DCLK1: variants seen among roughly 807,000 people sequenced by gnomAD.
The protein encoded by DCLK1 is serine/threonine-protein kinase DCLK1.
A neutral mutation model predicts 86.2 loss-of-function variants in DCLK1; 16 were observed. That is an observed-to-expected ratio of 0.19 (90% CI 0.13 to 0.28). The LOEUF (loss-of-function observed/expected upper bound fraction) is 0.28. DCLK1 is among the 10% of genes least tolerant of loss of function. The probability of loss-of-function intolerance (pLI) is 1.00; values close to 1 mark genes in which losing one functional copy is unlikely to be tolerated. For synonymous variants in DCLK1, 369 were observed against 370.5 expected (o/e 1.00, Z 0.05); for missense variants, 590 against 940.2 (o/e 0.63, Z 4.87).
intron 15 of DCLK1, 22 bp from the exon 16 acceptor site, chr13:35,793,501 G>A: frequency 6.4e-7 from 1 of 1,559,606 alleles, no homozygotes; most frequent in Non-Finnish European, 8.7e-7. Context: ...GAAATAAAGA[G>A]AAGAGAAAAA....
intron 5 of DCLK1, among the ~76,000 whole-genome samples, chr13:35,860,030 G>A (rs901594738): frequency 1.3e-5 from 2 of 152,210 alleles, no homozygotes; most frequent in African/African-American, 4.8e-5. Flanking sequence ...CTTTTTGGAC[G>A]TGAAATCCAC....
intron 3 of DCLK1, among the ~76,000 whole-genome samples, chr13:35,990,512 T>C (rs1880173394): frequency 6.6e-6 from 1 of 152,044 alleles, no homozygotes; most frequent in Non-Finnish European, 1.5e-5. Context: ...CCACCCCAGG[T>C]CATGCCTGGC....
intron 1 of DCLK1, among the ~76,000 whole-genome samples, chr13:36,126,565 T>A (rs1886197135): frequency 6.6e-6 from 1 of 152,092 alleles, no homozygotes; most frequent in South Asian, 2.1e-4. Context: ...TATTTTGAGA[T>A]CATGATTTCA....
At chr13:36,076,333 G>T (rs1374570991) in intron 3 of DCLK1, among the ~76,000 whole-genome samples, 5 of 152,142 alleles carry the variant, frequency 3.3e-5, no homozygotes, top group Non-Finnish European at 7.3e-5. Flanking sequence ...AATTATCATG[G>T]ATTTTATTTT....
intron 5 of DCLK1, among the ~76,000 whole-genome samples, chr13:35,856,475 G>A (rs1392636464): frequency 6.6e-6 from 1 of 152,146 alleles, no homozygotes; most frequent in Non-Finnish European, 1.5e-5. Context: ...TATGTCATAC[G>A]TAAAGGCTAC....
At chr13:35,809,417 C>T (rs1409014960) in intron 12 of DCLK1, among the ~76,000 whole-genome samples, 1 of 152,130 alleles carries the variant, frequency 6.6e-6, no homozygotes. Flanking sequence ...TAAGGATGGA[C>T]CCTTGAGATA....
chr13:36,105,167 A>G (rs569999305), intron 3 of DCLK1, among the ~76,000 whole-genome samples: 3 of 152,318 alleles, frequency 2.0e-5, no homozygotes, highest in African/African-American at 7.2e-5. Flanking sequence ...TGTATTAGTT[A>G]AGTGTCTCAT....
In DCLK1 at chr13:36,058,737, G is replaced by T. The variant is rs147350346; in HGVS notation, c.723+53132C>A. On this transcript the variant is annotated intron_variant, in intron 3 of 16. Coordinates refer to ENST00000360631, the MANE Select transcript of DCLK1 (RefSeq NM_001330071.2). ...AAGAATGAAGACCCCCACTGATATGGAAGGCCACTGTGAGAACTCGATTGA... is the reference window on the plus strand; with the variant it reads ...AAGAATGAAGACCCCCACTGATATGTAAGGCCACTGTGAGAACTCGATTGA... Among the ~76,000 whole-genome samples the T allele has an allele frequency of 4.8e-4, 73 of 152,264 alleles. 2 individuals are homozygous for T. The highest frequency in any genetic ancestry group is 1.7e-3 in the African/African-American group (71 of 41,562).
At position 35,797,779 on chromosome 13, in the gene DCLK1, C is replaced by A. The variant is rs148554746; in HGVS notation, c.1945-4300G>T. 5.0e-3 allele frequency among the ~76,000 whole-genome samples: 760 copies of A among 152,188 alleles called. 12 individuals are homozygous for A. Among genetic ancestry groups the A allele is most frequent in the African/African-American group, 0.017 (724 of 41,512 alleles). On this transcript the variant is annotated intron_variant, in intron 15 of 16. Coordinates refer to ENST00000360631, the MANE Select transcript of DCLK1 (RefSeq NM_001330071.2). The stretch of plus-strand genomic sequence containing the variant: ...GACTTAAACAATTGGCTTTGCAGGG[C>A]TCTAATCTGTACCTGCGCCATACAG...
At chr13:36,082,001 C>A (rs1308480804) in intron 3 of DCLK1, among the ~76,000 whole-genome samples, 1 of 152,264 alleles carries the variant, frequency 6.6e-6, no homozygotes, top group East Asian at 1.9e-4. Flanking sequence ...GCAATCCACC[C>A]CCTCCAGATA....
intron 5 of DCLK1, chr13:35,855,985 T>A: frequency 8.4e-6 from 4 of 475,354 alleles, no homozygotes; most frequent in Non-Finnish European, 1.1e-5. Flanking sequence ...GGTAGGATGT[T>A]TATTGATTTT....
At chr13:35,988,080 C>T (rs968019218) in intron 3 of DCLK1, among the ~76,000 whole-genome samples, 1 of 152,168 alleles carries the variant, frequency 6.6e-6, no homozygotes, top group Non-Finnish European at 1.5e-5. Context: ...TTCCCTCTTT[C>T]CCCAGCACCT....
chr13:35,801,581 T>A (rs1233216955), intron 15 of DCLK1, among the ~76,000 whole-genome samples: 1 of 151,928 alleles, frequency 6.6e-6, no homozygotes, highest in Non-Finnish European at 1.5e-5. Flanking sequence ...CTGTAGGAAA[T>A]CAGAGAGGAA....
chr13:35,955,905 T>C (rs1484292375), intron 3 of DCLK1, among the ~76,000 whole-genome samples: 1 of 152,164 alleles, frequency 6.6e-6, no homozygotes, highest in Non-Finnish European at 1.5e-5. Context: ...GGGGCTATTA[T>C]TTAAGAATAG....
intron 11 of DCLK1, among the ~76,000 whole-genome samples, chr13:35,811,597 G>GC (rs1308944652): frequency 6.6e-6 from 1 of 152,140 alleles, no homozygotes; most frequent in Non-Finnish European, 1.5e-5. Context: ...ACTTTGGGAG[G>GC]CCAAGGCAGG....
chr13:35,962,540 A>G (rs1453642816), intron 3 of DCLK1, among the ~76,000 whole-genome samples: 1 of 152,156 alleles, frequency 6.6e-6, no homozygotes, highest in East Asian at 1.9e-4. Context: ...GAAACAATAC[A>G]TTTTTGTGTT....
intron 16 of DCLK1, among the ~76,000 whole-genome samples, chr13:35,788,975 TA>T (rs1274004807): frequency 3.9e-5 from 6 of 152,154 alleles, no homozygotes; most frequent in Non-Finnish European, 8.8e-5. Flanking sequence ...CTTTGTATAA[TA>T]AAAATGCATA....
At chr13:36,124,991 G>A (rs1450387314) in intron 2 of DCLK1, among the ~76,000 whole-genome samples, 3 of 152,108 alleles carry the variant, frequency 2.0e-5, no homozygotes, top group Admixed American at 2.0e-4. Flanking sequence ...TCAGTCCTGA[G>A]GCAAGTGTAG....
At chr13:35,919,137 C>G (rs943235953) in intron 4 of DCLK1, among the ~76,000 whole-genome samples, 16 of 152,072 alleles carry the variant, frequency 1.1e-4, no homozygotes, top group African/African-American at 3.9e-4. Flanking sequence ...AGTGATCCGC[C>G]TGCCTCAGCC....
Sources: allele counts gnomAD v4.1 joint callset (sites outside exome capture counted in the v4.1 genomes callset), GRCh38; gene constraint gnomAD v4.1.1; transcripts MANE v1.5; gene names NCBI Gene and HGNC (gene_info 2026-07-23, HGNC 2026-07-21).